The following NUP107 variants were observed in gnomAD, a reference collection of about 807,000 sequenced individuals.
NUP107 encodes nuclear pore complex protein Nup107.
A neutral mutation model predicts 141.0 loss-of-function variants in NUP107; 101 were observed. That is an observed-to-expected ratio of 0.72 (90% CI 0.61 to 0.84). The LOEUF (loss-of-function observed/expected upper bound fraction) is 0.84. NUP107 is among the 40% of genes least tolerant of loss of function. The pLI is 0.00. For synonymous variants in NUP107, 319 were observed against 363.9 expected, an observed-to-expected ratio of 0.88 and a Z score of 1.41; for missense variants, 941 against 1,102.7, an observed-to-expected ratio of 0.85 and a Z score of 2.08.
chr12:68,707,806 C>G (rs949994616), intron 8 of NUP107, among the ~76,000 whole-genome samples: 1 of 151,988 alleles, frequency 6.6e-6, no homozygotes, highest in Non-Finnish European at 1.5e-5. Context: ...AAATATACTA[C>G]AGCATTTTGG....
chr12:68,725,898 T>A, intron 18 of NUP107, 102 bp downstream of exon 18: 12 of 635,508 alleles, frequency 1.9e-5, no homozygotes, highest in Non-Finnish European at 3.0e-5. Context: ...GTGCAGTGGC[T>A]CAGTCTCAGC....
At chr12:68,707,548 G>C (rs954922921) in intron 8 of NUP107, among the ~76,000 whole-genome samples, 5 of 152,228 alleles carry the variant, frequency 3.3e-5, no homozygotes, top group Admixed American at 1.3e-4. Flanking sequence ...GTAGTGAGCT[G>C]TAATTGTGCT....
intron 5 of NUP107, among the ~76,000 whole-genome samples, chr12:68,693,806 T>A (rs1411058412): frequency 6.6e-6 from 1 of 152,224 alleles, no homozygotes; most frequent in African/African-American, 2.4e-5. Context: ...AGTCTCATAT[T>A]GTAATTTTTT....
Position 68,689,590 on chromosome 12 carries a change from C to T in NUP107, c.158C>T (p.Pro53Leu). ...GNTTPRNQVI[P>L]RTPSSFRQPF... Reference sequence around the variant, plus strand: ...ACTACACCAAGAAACCAGGTTATCCCTCGAACTCCTAGCTCATTTCGACAG... The same window carrying T: ...ACTACACCAAGAAACCAGGTTATCCTTCGAACTCCTAGCTCATTTCGACAG... The change falls in exon 3 of 28, where the codon CCT (proline) becomes CTT (leucine). Residue 53 changes from proline to leucine, a missense_variant. Transcript: ENST00000229179. The T allele has an allele frequency of 6.2e-7, 1 of 1,612,556 alleles. No individual in the cohort carries two copies. The highest frequency in any genetic ancestry group is 2.2e-5 in the East Asian group (1 of 44,714).
At position 68,741,807 on chromosome 12, in the gene NUP107, T is replaced by C; in HGVS notation, c.2503-6T>C. 6.2e-7 allele frequency: 1 copy of C among 1,609,098 alleles called. No homozygotes were observed. Among genetic ancestry groups the C allele is most frequent in the Non-Finnish European group, 8.5e-7 (1 of 1,177,734 alleles). ...GTTAAAATGATTTATTGATGTCTGT[T>C]TGTAGGATGCCAAAGAAGACCATGA... On this transcript the variant is annotated splice_polypyrimidine_tract_variant and splice_region_variant and intron_variant, in intron 26 of 27. Coordinates refer to ENST00000229179, the MANE Select transcript of NUP107 (RefSeq NM_020401.4).
Position 68,743,536 on chromosome 12 carries a change from G to A in NUP107, c.*1074G>A, listed in dbSNP as rs1188790653. On this transcript the variant is annotated 3_prime_UTR_variant, in exon 28 of 28. Coordinates refer to ENST00000229179, the MANE Select transcript of NUP107 (RefSeq NM_020401.4). ...CAAAGGCAAAGAGTGACACAAGAAG[G>A]ATGAGGCTCTATAGATTAAGAAATC... The A allele has an allele frequency of 3.3e-5, 5 of 152,240 alleles. No homozygotes were observed. Among genetic ancestry groups the A allele is most frequent in the Non-Finnish European group, 7.3e-5 (5 of 68,048 alleles). The allele number at this position is 152,240 out of a possible 1,614,324, so 9.4% of individuals were successfully genotyped here. A position where few individuals can be genotyped will look rare whatever the true frequency, so the allele number is the denominator to read the frequency against.
chr12:68,732,144 T>C (rs867145077), intron 22 of NUP107, among the ~76,000 whole-genome samples: 1 of 152,242 alleles, frequency 6.6e-6, no homozygotes, highest in South Asian at 2.1e-4. Context: ...TTTTTATTTT[T>C]ATTTTCTTGA....
intron 26 of NUP107, among the ~76,000 whole-genome samples, chr12:68,737,835 T>C (rs1878142327): frequency 6.6e-6 from 1 of 152,200 alleles, no homozygotes; most frequent in African/African-American, 2.4e-5. Flanking sequence ...GTCACTTGTA[T>C]GTGAATTAGA....
intron 10 of NUP107, 114 bp from the exon 11 acceptor site, chr12:68,713,616 A>T: frequency 1.3e-6 from 1 of 750,256 alleles, no homozygotes; most frequent in African/African-American, 1.8e-5. Context: ...GGATTTTTGC[A>T]TGTTTTTACT....
chr12:68,687,710 C>T, intron 1 of NUP107: 1 of 876,360 alleles, frequency 1.1e-6, no homozygotes, highest in Non-Finnish European at 1.4e-6. Flanking sequence ...GTACTCCAAA[C>T]ATTGAGTACC....
chr12:68,692,220 C>T lies in NUP107; in HGVS notation c.448+108C>T, dbSNP rs1355860565. On this transcript the variant is annotated intron_variant, in intron 5 of 27. Transcript: ENST00000229179. ...CATTATGTTTTTCTTTTCTTTCTTTCTGTCTTTTTTTCTTGAGAGAGTAGC... is the reference window on the plus strand; with the variant it reads ...CATTATGTTTTTCTTTTCTTTCTTTTTGTCTTTTTTTCTTGAGAGAGTAGC... 17 of 1,198,904 alleles carry T rather than the reference C, an allele frequency of 1.4e-5. 1 individual carries two copies. Among genetic ancestry groups the T allele is most frequent in the Non-Finnish European group, 1.8e-5 (16 of 873,804 alleles). 74.3% of individuals were successfully genotyped at this position (1,198,904 alleles called of 1,614,324 possible).
Position 68,702,782 on chromosome 12 carries a change from A to C in NUP107, c.727A>C (p.Thr243Pro), listed in dbSNP as rs914207632. ...ALEEESVFAV[T>P]AVNASEKTVV... is the part of the protein sequence containing the mutation. ...AGAAGAGGAAAGTGTATTCGCAGTT[A>C]CTGTAAGTTTTATATTAATTTTTTC... Residue 243 changes from threonine (T) to proline (P), a missense_variant and splice_region_variant, in exon 8 of 28, where the codon ACT (threonine) becomes CCT (proline). Thr to Pro is a conservative substitution (Grantham distance 38). Transcript: ENST00000229179. 6.6e-7 allele frequency: 1 copy of C among 1,508,214 alleles called. No homozygotes were observed. Among genetic ancestry groups the C allele is most frequent in the Non-Finnish European group, 9.0e-7 (1 of 1,111,378 alleles). The allele number at this position is 1,508,214 out of a possible 1,614,324, so 93.4% of individuals were successfully genotyped here.
chr12:68,706,378 T>C lies in NUP107; in HGVS notation c.730-2860T>C, dbSNP rs1876581483. ...CGGACACATCTGTGGTGCTGTCCATTGACAACAGTCGCTCCCTGGACATGA... is the reference window on the plus strand; with the variant it reads ...CGGACACATCTGTGGTGCTGTCCATCGACAACAGTCGCTCCCTGGACATGA... On this transcript the variant is annotated intron_variant, in intron 8 of 27. Coordinates refer to ENST00000229179, the MANE Select transcript of NUP107 (RefSeq NM_020401.4). 8.2e-6 allele frequency: 11 copies of C among 1,335,610 alleles called. No individual in the cohort carries two copies. In the Admixed American group the frequency reaches 1.7e-4, roughly 21 times the overall value. 82.7% of individuals were successfully genotyped at this position (1,335,610 alleles called of 1,614,324 possible).
chr12:68,704,702 GT>G (rs1296493368), intron 8 of NUP107, among the ~76,000 whole-genome samples: 2 of 151,940 alleles, frequency 1.3e-5, no homozygotes, highest in African/African-American at 4.8e-5. Flanking sequence ...TGATCCACCT[GT>G]TTTGGCCTCC....
rs546788563 is a variant in NUP107 at position 68,707,078 on chromosome 12, G to A, written c.730-2160G>A. The A allele has an allele frequency of 5.4e-5, 31 of 570,168 alleles. 1 individual carries two copies. In the Admixed American group the frequency reaches 6.6e-4, roughly 12 times the overall value. The allele number at this position is 570,168 out of a possible 1,614,324, so 35.3% of individuals were successfully genotyped here. ...TGATGTACTGACCAAGTGAACAGCCGTGACAGCCCCTTCTAGCCTACCCCT... is the reference window on the plus strand; with the variant it reads ...TGATGTACTGACCAAGTGAACAGCCATGACAGCCCCTTCTAGCCTACCCCT... On this transcript the variant is annotated intron_variant, in intron 8 of 27. Coordinates refer to ENST00000229179, the MANE Select transcript of NUP107 (RefSeq NM_020401.4).
At chr12:68,733,092 C>T (rs1313049383) in intron 23 of NUP107, among the ~76,000 whole-genome samples, 1 of 151,700 alleles carries the variant, frequency 6.6e-6, no homozygotes, top group Non-Finnish European at 1.5e-5. Context: ...AAACCAGCCA[C>T]TCTTTATCTA....
chr12:68,725,829 T>TG, intron 18 of NUP107, 33 bp downstream of exon 18: 2 of 1,015,052 alleles, frequency 2.0e-6, no homozygotes, highest in Admixed American at 6.0e-5. Flanking sequence ...TTTGTGTTTT[T>TG]TGTGTGTGTT....
intron 15 of NUP107, 115 bp downstream of exon 15, chr12:68,721,292 T>A: frequency 1.7e-6 from 1 of 598,072 alleles, no homozygotes; most frequent in Non-Finnish European, 2.9e-6. Context: ...AGTATATACA[T>A]ACTTAAGTGT....
At chr12:68,726,373 A>G in intron 18 of NUP107, 126 bp from the exon 19 acceptor site, 2 of 639,272 alleles carry the variant, frequency 3.1e-6, no homozygotes, top group South Asian at 1.9e-5. Flanking sequence ...GAGTTATATC[A>G]TGGCTATTAA....
Sources: allele counts gnomAD v4.1 joint callset (sites outside exome capture counted in the v4.1 genomes callset), GRCh38; gene constraint gnomAD v4.1.1; transcripts MANE v1.5; gene names NCBI Gene and HGNC (gene_info 2026-07-23, HGNC 2026-07-21).